DOP1B: variants seen among roughly 807,000 people sequenced by gnomAD.
DOP1B encodes the protein DOP1 leucine zipper like protein B, also known as protein DOP1B.
A neutral mutation model predicts 233.5 loss-of-function variants in DOP1B; 174 were observed. The ratio of observed to expected loss-of-function variants is 0.75; its 90% CI spans 0.66 to 0.85. The LOEUF (loss-of-function observed/expected upper bound fraction) is 0.85. Among genes scored for constraint, DOP1B ranks in the 40% least tolerant of loss-of-function variants. The probability of loss-of-function intolerance (pLI) is 0.00; values close to 1 mark genes in which losing one functional copy is unlikely to be tolerated. For missense variants in DOP1B, 2,652 were observed against 2,846.6 expected, an observed-to-expected ratio of 0.93 and a Z score of 1.56; for synonymous variants, 1,190 against 1,185.6, an observed-to-expected ratio of 1.00 and a Z score of -0.08.
At chr21:36,198,434 A>G (rs2066319017) in intron 2 of DOP1B, among the ~76,000 whole-genome samples, 1 of 151,608 alleles carries the variant, frequency 6.6e-6, no homozygotes, top group Admixed American at 6.6e-5. Context: ...ATCTCACAAA[A>G]AAAAAAAAGA....
chr21:36,171,044 G>T (rs895041832), intron 2 of DOP1B, among the ~76,000 whole-genome samples: 8 of 152,056 alleles, frequency 5.3e-5, no homozygotes, highest in Non-Finnish European at 1.2e-4. Flanking sequence ...AGGAGTTGAC[G>T]TGCATTATTG....
intron 32 of DOP1B, among the ~76,000 whole-genome samples, chr21:36,286,461 C>T (rs563843106): frequency 1.3e-4 from 19 of 151,732 alleles, no homozygotes; most frequent in African/African-American, 4.6e-4. Context: ...ATGGTGAAAC[C>T]CCATATCTAC....
intron 27 of DOP1B, among the ~76,000 whole-genome samples, chr21:36,275,295 T>C (rs148753778): frequency 3.7e-4 from 56 of 152,288 alleles, no homozygotes; most frequent in African/African-American, 1.3e-3. Context: ...TAAATGGAAT[T>C]ATTGTTATTT....
chr21:36,291,970 A>G, intron 35 of DOP1B, 134 bp from the exon 36 acceptor site: 1 of 1,062,356 alleles, frequency 9.4e-7, no homozygotes, highest in East Asian at 2.8e-5. Flanking sequence ...GTGCAACTCT[A>G]TGAATATAAT....
intron 2 of DOP1B, among the ~76,000 whole-genome samples, chr21:36,174,316 C>T (rs1306054933): frequency 2.0e-5 from 3 of 152,074 alleles, no homozygotes; most frequent in Non-Finnish European, 4.4e-5. Flanking sequence ...GGCGAAACCC[C>T]GTCTCTACTA....
At chr21:36,188,990 A>G (rs1333208952) in intron 2 of DOP1B, among the ~76,000 whole-genome samples, 1 of 152,186 alleles carries the variant, frequency 6.6e-6, no homozygotes, top group Non-Finnish European at 1.5e-5. Context: ...TACATATAAC[A>G]TAAAATTTAC....
rs763237954 is a variant in DOP1B at position 36,231,165 on chromosome 21, T to C, written c.2350+31T>C. On this transcript the variant is annotated intron_variant, in intron 14 of 36. Coordinates refer to ENST00000691173, the MANE Select transcript of DOP1B (RefSeq NM_001320714.2). ...AGGCAGCCCTGCCGAAGTCCCTCTTTGGGAATCATACGATGAGGCGATTGA... is the reference window on the plus strand; with the variant it reads ...AGGCAGCCCTGCCGAAGTCCCTCTTCGGGAATCATACGATGAGGCGATTGA... 15 of 1,550,794 alleles carry C rather than the reference T, an allele frequency of 9.7e-6. No individual in the cohort carries two copies. In the South Asian group the frequency reaches 1.7e-4, roughly 18 times the overall value.
chr21:36,171,291 C>T (rs1050729742), intron 2 of DOP1B, among the ~76,000 whole-genome samples: 5 of 152,120 alleles, frequency 3.3e-5, no homozygotes, highest in Non-Finnish European at 5.9e-5. Flanking sequence ...ATGCAGTAGG[C>T]GCAATTATTA....
intron 13 of DOP1B, among the ~76,000 whole-genome samples, chr21:36,229,885 G>C (rs1180678264): frequency 6.6e-6 from 1 of 151,576 alleles, no homozygotes; most frequent in African/African-American, 2.4e-5. Context: ...CTGGTCTTGA[G>C]CTCCTGACCT....
chr21:36,211,270 T>C (rs910164070), intron 5 of DOP1B, among the ~76,000 whole-genome samples: 10 of 152,218 alleles, frequency 6.6e-5, no homozygotes, highest in Admixed American at 1.3e-4. Context: ...TCCTGTTGGA[T>C]CCTTTCTGGG....
At chr21:36,168,671 C>T (rs1056966567) in intron 2 of DOP1B, among the ~76,000 whole-genome samples, 6 of 151,892 alleles carry the variant, frequency 4.0e-5, no homozygotes, top group Non-Finnish European at 5.9e-5. Context: ...GGGTTATAGG[C>T]GTTAGCGACC....
Position 36,212,044 on chromosome 21 carries a change from C to T in DOP1B, c.851C>T (p.Thr284Ile). 6.2e-7 allele frequency: 1 copy of T among 1,613,928 alleles called. No individual in the cohort carries two copies. The highest frequency in any genetic ancestry group is 8.5e-7 in the Non-Finnish European group (1 of 1,179,972). Residue 284 changes from threonine to isoleucine, a missense_variant, in exon 7 of 37, where the codon ACC (threonine) becomes ATC (isoleucine). Physicochemically the swap from Thr to Ile is moderately conservative, Grantham distance 89 (BLOSUM62 -1). Coordinates refer to ENST00000691173, the MANE Select transcript of DOP1B (RefSeq NM_001320714.2). ...IVRILSAATQ[T>I]LLRRDMSLNR... ...CGCATTCTCTCAGCCGCCACCCAGA[C>T]CCTACTGAGAAGGGACATGTCCCTG...
At chr21:36,203,647 G>GGC (rs1555888956) in intron 4 of DOP1B, among the ~76,000 whole-genome samples, 1 of 151,984 alleles carries the variant, frequency 6.6e-6, no homozygotes, top group Admixed American at 6.6e-5. Flanking sequence ...GGTGCAGTGG[G>GGC]GGGGGTCATG....
intron 27 of DOP1B, among the ~76,000 whole-genome samples, chr21:36,275,037 G>T (rs1475836191): frequency 6.6e-6 from 1 of 151,988 alleles, no homozygotes; most frequent in Non-Finnish European, 1.5e-5. Flanking sequence ...CAGAGACAGG[G>T]TTTCACCATG....
chr21:36,252,462 A>G (rs1047296871), intron 22 of DOP1B, among the ~76,000 whole-genome samples: 6 of 151,872 alleles, frequency 4.0e-5, no homozygotes, highest in Admixed American at 1.3e-4. Flanking sequence ...CATGTAAAAA[A>G]AAAAAAAAAA....
At chr21:36,167,095 A>C (rs1601374609) in intron 2 of DOP1B, among the ~76,000 whole-genome samples, 1 of 152,188 alleles carries the variant, frequency 6.6e-6, no homozygotes, top group African/African-American at 2.4e-5. Flanking sequence ...GTAGAACCGC[A>C]TTGAGTCCCA....
intron 7 of DOP1B, among the ~76,000 whole-genome samples, chr21:36,212,616 T>C (rs1422630119): frequency 6.6e-6 from 1 of 152,182 alleles, no homozygotes. Flanking sequence ...CAAAGGGCCC[T>C]TGACTATTGG....
intron 26 of DOP1B, among the ~76,000 whole-genome samples, chr21:36,264,075 C>G (rs1314439305): frequency 3.9e-5 from 6 of 152,214 alleles, no homozygotes; most frequent in Non-Finnish European, 8.8e-5. Context: ...TCACCCTCCA[C>G]ACTGTATGCA....
Position 36,238,580 on chromosome 21 carries a change from C to T in DOP1B, c.2776-21C>T, listed in dbSNP as rs371763005. ...CAGTTACAAAACCAAGTTCCTCACT[C>T]CCATGTATCTCCTCATCAAGGGAAC... On this transcript the variant is annotated intron_variant, in intron 16 of 36. Transcript: ENST00000691173. 1.0e-3 allele frequency: 1,655 copies of T among 1,612,212 alleles called. 7 individuals carry two copies. The highest frequency in any genetic ancestry group is 1.2e-3 in the Non-Finnish European group (1,374 of 1,178,288).
Sources: gnomAD v4.1 joint callset for allele counts (sites outside exome capture counted in the v4.1 genomes callset) on GRCh38, gnomAD v4.1.1 for gene constraint, MANE v1.5 for transcripts, NCBI Gene and HGNC (gene_info 2026-07-23, HGNC 2026-07-21) for gene names.